Variants in PHF24 observed in about 807,000 individuals in gnomAD.
PHF24 encodes the protein Galpha inhibitory interacting protein.
PHF24 carries 25 observed loss-of-function variants against 42.6 expected under a neutral mutation model. The ratio of observed to expected loss-of-function variants is 0.59; its 90% CI spans 0.43 to 0.82. PHF24 has a LOEUF of 0.82. Ranked by LOEUF, PHF24 falls within the 40% of genes least tolerant of loss-of-function variation. The pLI is 0.00. For synonymous variants in PHF24, 185 were observed against 204.8 expected, an observed-to-expected ratio of 0.90 and a Z score of 0.83; for missense variants, 470 against 538.1, an observed-to-expected ratio of 0.87 and a Z score of 1.25.
the PHF24 span, among the ~76,000 whole-genome samples, chr9:34,939,365 G>A: frequency 6.6e-6 from 1 of 152,194 alleles, no homozygotes; most frequent in East Asian, 1.9e-4. Flanking sequence ...CCAAGAATCG[G>A]TGTAGACTTG....
the PHF24 span, among the ~76,000 whole-genome samples, chr9:34,774,013 A>G: frequency 5.3e-5 from 8 of 152,234 alleles, no homozygotes; most frequent in African/African-American, 9.6e-5. Context: ...CAAATGTACT[A>G]TACTAATGTA....
the PHF24 span, among the ~76,000 whole-genome samples, chr9:34,770,942 C>T: frequency 9.2e-5 from 14 of 152,028 alleles, no homozygotes; most frequent in African/African-American, 2.9e-4. Context: ...GGTGAAACCT[C>T]GTCTCTACTA....
At chr9:34,951,603 G>A in the PHF24 span, among the ~76,000 whole-genome samples, 1 of 152,216 alleles carries the variant, frequency 6.6e-6, no homozygotes, top group Non-Finnish European at 1.5e-5. Context: ...CTTCCCAAGA[G>A]CCTCCAGAAG....
At chr9:34,769,891 T>C in the PHF24 span, among the ~76,000 whole-genome samples, 1 of 152,206 alleles carries the variant, frequency 6.6e-6, no homozygotes, top group East Asian at 1.9e-4. Flanking sequence ...TTGTATCATA[T>C]ACTTGGGTTA....
At chr9:34,870,928 T>C in the PHF24 span, among the ~76,000 whole-genome samples, 1 of 152,356 alleles carries the variant, frequency 6.6e-6, no homozygotes, top group African/African-American at 2.4e-5. Flanking sequence ...GTGGTTTTTG[T>C]GTGGCTATAA....
At chr9:34,815,602 G>A in the PHF24 span, among the ~76,000 whole-genome samples, 35 of 152,316 alleles carry the variant, frequency 2.3e-4, no homozygotes, top group African/African-American at 7.0e-4. Flanking sequence ...GATTACAGGC[G>A]TGAGCTACCA....
the PHF24 span, among the ~76,000 whole-genome samples, chr9:34,700,402 G>T: frequency 6.6e-6 from 1 of 152,122 alleles, no homozygotes; most frequent in Non-Finnish European, 1.5e-5. Context: ...TCAGATTCTG[G>T]AAACAAAGTA....
chr9:34,767,876 A>G, the PHF24 span, among the ~76,000 whole-genome samples: 1 of 152,198 alleles, frequency 6.6e-6, no homozygotes, highest in Non-Finnish European at 1.5e-5. Flanking sequence ...TTAAATGTAA[A>G]TATCAGAGCA....
At chr9:34,723,318 A>G in the PHF24 span, 1 of 1,551,728 alleles carries the variant, frequency 6.4e-7, no homozygotes, top group Non-Finnish European at 8.7e-7. Flanking sequence ...GCTGAGGCAG[A>G]GCCAGGTTGT....
chr9:34,809,767 C>T, the PHF24 span, among the ~76,000 whole-genome samples: 27 of 152,262 alleles, frequency 1.8e-4, no homozygotes, highest in African/African-American at 6.5e-4. The surrounding 1 kb of genome is among the most constrained non-coding windows in gnomAD (Gnocchi z 4.1). Context: ...CTGCAGTTGG[C>T]CGGCTGTTTC....
chr9:34,860,100 A>G, the PHF24 span, among the ~76,000 whole-genome samples: 2 of 152,168 alleles, frequency 1.3e-5, no homozygotes, highest in African/African-American at 4.8e-5. Flanking sequence ...TGGAGACTGC[A>G]AGGTTTTGAG....
At chr9:34,870,903 G>A in the PHF24 span, among the ~76,000 whole-genome samples, 1 of 152,166 alleles carries the variant, frequency 6.6e-6, no homozygotes, top group Admixed American at 6.6e-5. Context: ...GAGTAAAGCT[G>A]TTATAAACAT....
chr9:34,821,582 G>A, the PHF24 span, among the ~76,000 whole-genome samples: 11 of 152,288 alleles, frequency 7.2e-5, no homozygotes, highest in Admixed American at 5.9e-4. Context: ...GGGTCTGCAA[G>A]TGCCCCATCT....
At chr9:34,697,140 G>C in the PHF24 span, among the ~76,000 whole-genome samples, 1 of 152,180 alleles carries the variant, frequency 6.6e-6, no homozygotes, top group African/African-American at 2.4e-5. Flanking sequence ...GTTGATTCCT[G>C]GAAGCCTGGA....
exon 8 of PHF24, chr9:34,978,234 T>G (rs1174435679): frequency 2.8e-6 from 2 of 704,260 alleles, no homozygotes; most frequent in Non-Finnish European, 4.9e-6. Context: ...CGTCTTAACT[T>G]GTCACTAAGC....
At chr9:34,818,242 C>T in the PHF24 span, among the ~76,000 whole-genome samples, 3 of 152,096 alleles carry the variant, frequency 2.0e-5, no homozygotes, top group Non-Finnish European at 2.9e-5. Flanking sequence ...GAGTGGGCTT[C>T]CTTGCATTGT....
the PHF24 span, among the ~76,000 whole-genome samples, chr9:34,803,104 T>C: frequency 6.6e-6 from 1 of 152,094 alleles, no homozygotes; most frequent in African/African-American, 2.4e-5. Context: ...GCATAAACCA[T>C]GCAGAAAGAA....
At chr9:34,689,263 A>G in the PHF24 span, among the ~76,000 whole-genome samples, 1 of 152,150 alleles carries the variant, frequency 6.6e-6, no homozygotes, top group South Asian at 2.1e-4. This position sits in a 1 kb window ranked among gnomAD's most constrained non-coding sequence, Gnocchi z 4.1. Flanking sequence ...AGTGGGAGGC[A>G]TGAGACGCTG....
At chr9:34,675,642 C>T in the PHF24 span, among the ~76,000 whole-genome samples, 1 of 152,130 alleles carries the variant, frequency 6.6e-6, no homozygotes, top group African/African-American at 2.4e-5. Context: ...TGCGTCCTAT[C>T]CCCTGGAGCT....
Sources: gnomAD v4.1 joint callset for allele counts (sites outside exome capture counted in the v4.1 genomes callset) on GRCh38, gnomAD v4.1.1 for gene constraint, Gnocchi (gnomAD v3.1) non-coding constraint, MANE v1.5 for transcripts, NCBI Gene and HGNC (gene_info 2026-07-23, HGNC 2026-07-21) for gene names.